NELL1: variants seen among roughly 807,000 people sequenced by gnomAD.
The protein encoded by NELL1 is neural EGFL like 1, also known as protein kinase C-binding protein NELL1.
In NELL1, 76 loss-of-function variants were observed where a neutral mutation model predicts 107.4. That is an observed-to-expected ratio of 0.71 (90% confidence interval 0.59 to 0.86). The LOEUF (loss-of-function observed/expected upper bound fraction) is 0.86. Among genes scored for constraint, NELL1 ranks in the 40% least tolerant of loss-of-function variants. The pLI is 0.00. For synonymous variants in NELL1, 353 were observed against 341.2 expected (o/e 1.03, Z -0.38); for missense variants, 1,024 against 1,005.5 (o/e 1.02, Z -0.25).
chr11:20,912,953 A>T (rs923696986), intron 5 of NELL1, among the ~76,000 whole-genome samples: 2 of 152,176 alleles, frequency 1.3e-5, no homozygotes, highest in African/African-American at 4.8e-5. Context: ...GTGCATTAAG[A>T]CTTTGGAAAC....
chr11:21,114,037 G>T (rs759078790), intron 13 of NELL1, among the ~76,000 whole-genome samples: 1 of 151,890 alleles, frequency 6.6e-6, no homozygotes, highest in Non-Finnish European at 1.5e-5. Context: ...AATTATTTTC[G>T]TTGCATCATG....
chr11:21,093,066 T>C (rs1854557285), intron 12 of NELL1, among the ~76,000 whole-genome samples: 1 of 152,150 alleles, frequency 6.6e-6, no homozygotes, highest in African/African-American at 2.4e-5. Flanking sequence ...TGTTTACCAT[T>C]GGTTCAGGGG....
At chr11:21,534,227 G>A (rs1482390491) in intron 15 of NELL1, 147 bp from the exon 16 acceptor site, 55 of 813,054 alleles carry the variant, frequency 6.8e-5, no homozygotes, top group Non-Finnish European at 1.1e-4. Context: ...GGAAAATATG[G>A]GATTTGCTTC....
Position 20,937,858 on chromosome 11 carries a change from G to A in NELL1, c.1070G>A (p.Arg357Gln), listed in dbSNP as rs766370630. ...RILTKSCREC[R>Q]GGVLVKITEM... The stretch of plus-strand genomic sequence containing the variant: ...TTAACCAAGAGCTGTCGGGAATGCC[G>A]AGTAAGTGTTAATTTTATGGTCCCT... Residue 357 changes from arginine (R) to glutamine (Q), a missense_variant and splice_region_variant, in exon 10 of 20, where the codon CGA becomes CAA. Coordinates refer to ENST00000357134, the MANE Select transcript of NELL1 (RefSeq NM_006157.5). The A allele has an allele frequency of 2.4e-5, 39 of 1,613,742 alleles. No homozygotes were observed. Among genetic ancestry groups the A allele is most frequent in the South Asian group, 1.3e-4 (12 of 91,086 alleles).
chr11:21,421,558 C>G (rs1852669837), intron 15 of NELL1, among the ~76,000 whole-genome samples: 1 of 151,996 alleles, frequency 6.6e-6, no homozygotes, highest in African/African-American at 2.4e-5. Flanking sequence ...AGGCAGGAAG[C>G]CATTGTTGTA....
chr11:20,758,405 C>T (rs1856345389), intron 2 of NELL1, among the ~76,000 whole-genome samples: 1 of 152,198 alleles, frequency 6.6e-6, no homozygotes, highest in Non-Finnish European at 1.5e-5. Flanking sequence ...CCACTTTTCT[C>T]ATCTTCCACT....
intron 13 of NELL1, among the ~76,000 whole-genome samples, chr11:21,138,379 G>T (rs1424251211): frequency 9.2e-5 from 14 of 152,078 alleles, no homozygotes; most frequent in Non-Finnish European, 2.1e-4. Context: ...AATAGCCTGT[G>T]CATTTGTAGA....
At chr11:21,527,476 A>G (rs1855883758) in intron 15 of NELL1, among the ~76,000 whole-genome samples, 1 of 152,138 alleles carries the variant, frequency 6.6e-6, no homozygotes, top group Non-Finnish European at 1.5e-5. Context: ...GGGCACCTTT[A>G]CAGCAGCACC....
At chr11:21,107,940 G>A (rs1248689721) in intron 12 of NELL1, among the ~76,000 whole-genome samples, 1 of 152,142 alleles carries the variant, frequency 6.6e-6, no homozygotes, top group African/African-American at 2.4e-5. Flanking sequence ...AACAGTTAGT[G>A]TGGAACAACT....
At chr11:20,738,731 A>C (rs1855819995) in intron 2 of NELL1, among the ~76,000 whole-genome samples, 1 of 152,148 alleles carries the variant, frequency 6.6e-6, no homozygotes, top group African/African-American at 2.4e-5. Flanking sequence ...GGGTATTGTG[A>C]ATCACCAATG....
chr11:21,040,239 C>A (rs1343894683), intron 12 of NELL1, among the ~76,000 whole-genome samples: 1 of 151,770 alleles, frequency 6.6e-6, no homozygotes, highest in Non-Finnish European at 1.5e-5. Context: ...TACTTGTAAA[C>A]ATCAATTGAA....
intron 12 of NELL1, among the ~76,000 whole-genome samples, chr11:21,025,937 T>C (rs550712513): frequency 2.6e-5 from 4 of 152,298 alleles, no homozygotes; most frequent in African/African-American, 9.6e-5. Flanking sequence ...TCATTCTTAA[T>C]TTCTGTTTCT....
chr11:21,148,944 A>G (rs1221173532), intron 13 of NELL1, among the ~76,000 whole-genome samples: 1 of 152,160 alleles, frequency 6.6e-6, no homozygotes, highest in Admixed American at 6.6e-5. Context: ...TACTTTGTTT[A>G]TCTATTGGGT....
At chr11:21,247,651 T>C (rs918508678) in intron 14 of NELL1, among the ~76,000 whole-genome samples, 1 of 152,240 alleles carries the variant, frequency 6.6e-6, no homozygotes, top group Non-Finnish European at 1.5e-5. Context: ...TGGTTAACTT[T>C]TTAAAATATG....
At chr11:20,730,348 A>C (rs929565076) in intron 2 of NELL1, among the ~76,000 whole-genome samples, 1 of 152,106 alleles carries the variant, frequency 6.6e-6, no homozygotes, top group Non-Finnish European at 1.5e-5. Flanking sequence ...ATTGCATGTA[A>C]ATTTTGTGTG....
chr11:21,409,128 A>G (rs1206673561), intron 15 of NELL1, among the ~76,000 whole-genome samples: 2 of 152,150 alleles, frequency 1.3e-5, no homozygotes, highest in Non-Finnish European at 2.9e-5. Flanking sequence ...AGAAACATGC[A>G]CACGTATGTT....
chr11:20,743,728 C>G (rs547455690), intron 2 of NELL1, among the ~76,000 whole-genome samples: 59 of 152,316 alleles, frequency 3.9e-4, no homozygotes, highest in African/African-American at 1.3e-3. Flanking sequence ...TTCTCCACCT[C>G]TTCAGGTGCT....
intron 12 of NELL1, among the ~76,000 whole-genome samples, chr11:21,061,696 C>T (rs1361006530): frequency 6.6e-6 from 1 of 151,978 alleles, no homozygotes; most frequent in African/African-American, 2.4e-5. Context: ...GGGAGATAGT[C>T]TTCGCTGATA....
At chr11:20,903,548 T>C (rs954832657) in intron 5 of NELL1, among the ~76,000 whole-genome samples, 52 of 152,232 alleles carry the variant, frequency 3.4e-4, no homozygotes, top group African/African-American at 1.2e-3. Flanking sequence ...TGCACTGACA[T>C]ACAGGAAATA....
Sources: gnomAD v4.1 joint callset for allele counts (sites outside exome capture counted in the v4.1 genomes callset) on GRCh38, gnomAD v4.1.1 for gene constraint, MANE v1.5 for transcripts, NCBI Gene and HGNC (gene_info 2026-07-23, HGNC 2026-07-21) for gene names.